Variants in DEFA4 observed in about 807,000 individuals in gnomAD.
DEFA4 encodes the protein defensin alpha 4, also known as corticostatin.
DEFA4 carries 8 observed loss-of-function variants against 4.4 expected under a neutral mutation model. The ratio of observed to expected loss-of-function variants is 1.82; its 90% confidence interval spans 1.07 to 3.29. DEFA4 has a LOEUF of 3.29. DEFA4 is among the 30% of genes most tolerant of loss of function. The probability of loss-of-function intolerance (pLI) is 0.00; values close to 1 mark genes in which losing one functional copy is unlikely to be tolerated. For missense variants in DEFA4, 216 were observed against 127.0 expected (o/e 1.70, Z -3.37); for synonymous variants, 77 against 46.5 (o/e 1.66, Z -2.67).
Position 6,936,261 on chromosome 8 carries a change from G to T in DEFA4, c.173-120C>A, listed in dbSNP as rs1254401476. On this transcript the variant is annotated intron_variant, in intron 2 of 2. Transcript: ENST00000297435. Reference sequence around the variant, plus strand: ...GATGCTGGCTGCATTAGTGCCGGTAGCACAAACAACCTTAGTCAATAGGAA... The same window carrying T: ...GATGCTGGCTGCATTAGTGCCGGTATCACAAACAACCTTAGTCAATAGGAA... 3.1e-6 allele frequency: 4 copies of T among 1,291,158 alleles called. No homozygotes were observed. In the Admixed American group the frequency reaches 7.9e-5, roughly 25 times the overall value. 80.0% of individuals were successfully genotyped at this position (1,291,158 alleles called of 1,614,324 possible). A position where few individuals can be genotyped will look rare whatever the true frequency, so the allele number is the denominator to read the frequency against.
Position 6,935,993 on chromosome 8 carries a change from C to A in DEFA4, c.*27G>T. ...ACACCACCGATGATGGCGTTCCCAGCATGACATTCTCTTGGACAGCAGAAC... is the reference window on the plus strand; with the variant it reads ...ACACCACCGATGATGGCGTTCCCAGAATGACATTCTCTTGGACAGCAGAAC... On this transcript the variant is annotated 3_prime_UTR_variant, in exon 3 of 3. Coordinates refer to ENST00000297435, the MANE Select transcript of DEFA4 (RefSeq NM_001925.3). The A allele has an allele frequency of 6.2e-7, 1 of 1,612,792 alleles. No homozygotes were observed.
chr8:6,936,902 C>A lies in DEFA4; in HGVS notation c.-3G>T. 6.3e-7 allele frequency: 1 copy of A among 1,588,824 alleles called. No homozygotes were observed. Among genetic ancestry groups the A allele is most frequent in the Non-Finnish European group, 8.6e-7 (1 of 1,165,410 alleles). ...GCGAGGAGGGCGATAATCCTCATGG[C>A]TGGGGTGACCTGGAGGAGGGAGAGC... is the stretch of plus-strand genomic sequence containing the variant. On this transcript the variant is annotated 5_prime_UTR_variant, in exon 2 of 3. Transcript: ENST00000297435.
chr8:6,937,012 TTCTGAGTGAGAGGAGG>T, intron 1 of DEFA4, 101 bp from the exon 2 acceptor site: 1 of 1,086,838 alleles, frequency 9.2e-7, no homozygotes, highest in South Asian at 2.1e-5. Context: ...ACCTTTGGCC[TTCTGAGTGAGAGGAGG>T]TGTGCATTTT....
chr8:6,936,058 C>G lies in DEFA4; in HGVS notation c.256G>C (p.Gly86Arg). Residue 86 changes from glycine (G) to arginine (R), a missense_variant, in exon 3 of 3, where the codon GGT becomes CGT. By Grantham distance (125) the Gly-to-Arg change is moderately radical (BLOSUM62 -2). Transcript: ENST00000297435. ...GTGCAGCAGTATGTGAAACTCACAC[C>G]ACCAATGAGGCAGTTCCCAACACGA... The part of the protein sequence containing the change: ...ELRVGNCLIG[G>R]VSFTYCCTRV... The G allele has an allele frequency of 6.2e-7, 1 of 1,614,008 alleles. No individual in the cohort carries two copies. Among genetic ancestry groups the G allele is most frequent in the South Asian group, 1.1e-5 (1 of 90,992 alleles).
At chr8:6,937,288 T>A (rs907945012) in intron 1 of DEFA4, among the ~76,000 whole-genome samples, 2 of 152,154 alleles carry the variant, frequency 1.3e-5, no homozygotes, top group Non-Finnish European at 2.9e-5. Flanking sequence ...ATGCCTCTTA[T>A]TTCCTGATAA....
At position 6,936,887 on chromosome 8, in the gene DEFA4, C is replaced by T. The variant is rs548638509; in HGVS notation, c.13G>A (p.Ala5Thr). 1.3e-4 allele frequency: 208 copies of T among 1,604,524 alleles called. 2 individuals are homozygous for T. Among genetic ancestry groups the T allele is most frequent in the South Asian group, 9.1e-4 (81 of 89,402 alleles). The change falls in exon 2 of 3, where the codon GCC becomes ACC. Residue 5 changes from alanine to threonine, a missense_variant. Transcript: ENST00000297435. ...ACCAAGAGAATAGCAGCGAGGAGGG[C>T]GATAATCCTCATGGCTGGGGTGACC... Reference protein sequence around the residue: MRIIALLAAILLVAL... With the variant: MRIITLLAAILLVAL...
chr8:6,935,943 T>C lies in DEFA4; in HGVS notation c.*77A>G, dbSNP rs1808826137. On this transcript the variant is annotated 3_prime_UTR_variant, in exon 3 of 3. Coordinates refer to ENST00000297435, the MANE Select transcript of DEFA4 (RefSeq NM_001925.3). ...GCTCATTTTTCTCTATTCTGCAAGC[T>C]CAGCTGCAGAAGCATGTGAAGCTAA... The C allele has an allele frequency of 1.3e-6, 2 of 1,598,116 alleles. No homozygotes were observed. The highest frequency in any genetic ancestry group is 1.7e-6 in the Non-Finnish European group (2 of 1,166,826).
chr8:6,935,901 C>T lies in DEFA4; in HGVS notation c.*119G>A. On this transcript the variant is annotated 3_prime_UTR_variant, in exon 3 of 3. Transcript: ENST00000297435. ...GGAGAAACAACCATTTCCTGTAGCT[C>T]TCAAAGCAAATTATGAGCTCATTTT... 6.8e-7 allele frequency: 1 copy of T among 1,462,938 alleles called. No homozygotes were observed. The highest frequency in any genetic ancestry group is 9.5e-7 in the Non-Finnish European group (1 of 1,053,028). 90.6% of individuals were successfully genotyped at this position (1,462,938 alleles called of 1,614,324 possible). A position where few individuals can be genotyped will look rare whatever the true frequency, so the allele number is the denominator to read the frequency against.
In DEFA4 at chr8:6,936,711, A is replaced by T; in HGVS notation, c.172+17T>A. The T allele has an allele frequency of 3.2e-6, 5 of 1,574,038 alleles. No individual in the cohort carries two copies. The highest frequency in any genetic ancestry group is 4.3e-6 in the Non-Finnish European group (5 of 1,155,550). ...TCTCTCTAGACTCGGTAGCTTTTTTATGCTGGCCTCTCTCACCTGAAACCT... is the reference window on the plus strand; with the variant it reads ...TCTCTCTAGACTCGGTAGCTTTTTTTTGCTGGCCTCTCTCACCTGAAACCT... On this transcript the variant is annotated intron_variant, in intron 2 of 2. Coordinates refer to ENST00000297435, the MANE Select transcript of DEFA4 (RefSeq NM_001925.3).
At chr8:6,937,514 T>C (rs1227245790) in intron 1 of DEFA4, among the ~76,000 whole-genome samples, 1 of 151,834 alleles carries the variant, frequency 6.6e-6, no homozygotes, top group Non-Finnish European at 1.5e-5. Context: ...AGATAAAGAG[T>C]TGTGTAAGGT....
At chr8:6,937,842 C>T (rs1161189097) in intron 1 of DEFA4, among the ~76,000 whole-genome samples, 1 of 152,086 alleles carries the variant, frequency 6.6e-6, no homozygotes, top group Non-Finnish European at 1.5e-5. Context: ...TTTGCAAAGC[C>T]TACGTGGTAG....
chr8:6,936,415 T>C (rs1296596010), intron 2 of DEFA4, among the ~76,000 whole-genome samples: 5 of 152,198 alleles, frequency 3.3e-5, no homozygotes, highest in Admixed American at 2.6e-4. Flanking sequence ...TTTTTAAAAT[T>C]TCCTTTGTTG....
rs1808823498 is a variant in DEFA4, at chr8:6,935,871, G to C, written c.*149C>G. The C allele has an allele frequency of 9.6e-7, 1 of 1,040,196 alleles. No homozygotes were observed. Among genetic ancestry groups the C allele is most frequent in the South Asian group, 1.5e-5 (1 of 68,828 alleles). 64.4% of individuals were successfully genotyped at this position (1,040,196 alleles called of 1,614,324 possible). On this transcript the variant is annotated 3_prime_UTR_variant, in exon 3 of 3. Transcript: ENST00000297435. ...GATCAAGAAAGATGTTAAGGACAAA[G>C]TATAGGAGAAACAACCATTTCCTGT...
rs763877617 is a variant in DEFA4 at position 6,936,892 on chromosome 8, A to C, written c.8T>G (p.Ile3Ser). The C allele has an allele frequency of 4.4e-6, 7 of 1,604,048 alleles. No homozygotes were observed. In the African/African-American group the frequency reaches 9.4e-5, roughly 21 times the overall value. Residue 3 changes from isoleucine to serine, a missense_variant, in exon 2 of 3, where the codon ATT becomes AGT. Physicochemically the swap from Ile to Ser is moderately radical, Grantham distance 142. Transcript: ENST00000297435. MRIIALLAAILLV... is the reference protein window; with the variant it reads MRSIALLAAILLV... ...GAGAATAGCAGCGAGGAGGGCGATA[A>C]TCCTCATGGCTGGGGTGACCTGGAG...
In DEFA4 at chr8:6,936,684, C is replaced by T. The variant is rs369131069; in HGVS notation, c.172+44G>A. 24 of 1,501,800 alleles carry T rather than the reference C, an allele frequency of 1.6e-5. No individual in the cohort carries two copies. The African/African-American group carries it at 1.8e-4, about 11-fold the overall frequency. The allele number at this position is 1,501,800 out of a possible 1,614,324, so 93.0% of individuals were successfully genotyped here. A position where few individuals can be genotyped will look rare whatever the true frequency, so the allele number is the denominator to read the frequency against. ...GTGATTCCAGAGCCCATCTCCCATC[C>T]GTCTCTCTAGACTCGGTAGCTTTTT... On this transcript the variant is annotated intron_variant, in intron 2 of 2. Coordinates refer to ENST00000297435, the MANE Select transcript of DEFA4 (RefSeq NM_001925.3).
At chr8:6,937,330 C>T (rs1808898799) in intron 1 of DEFA4, among the ~76,000 whole-genome samples, 1 of 152,154 alleles carries the variant, frequency 6.6e-6, no homozygotes, top group Non-Finnish European at 1.5e-5. Flanking sequence ...GGTCTAAACA[C>T]TGGTGCCAGA....
In DEFA4 at chr8:6,936,916, A is replaced by G; in HGVS notation, c.-12-5T>C. The G allele has an allele frequency of 1.3e-6, 2 of 1,570,266 alleles. No homozygotes were observed. Among genetic ancestry groups the G allele is most frequent in the Non-Finnish European group, 1.7e-6 (2 of 1,154,806 alleles). On this transcript the variant is annotated splice_polypyrimidine_tract_variant and splice_region_variant and intron_variant, in intron 1 of 2. Coordinates refer to ENST00000297435, the MANE Select transcript of DEFA4 (RefSeq NM_001925.3). The stretch of plus-strand genomic sequence containing the variant: ...AATCCTCATGGCTGGGGTGACCTGG[A>G]GGAGGGAGAGCAGGAGCAGCTGTGT...
In DEFA4 at chr8:6,936,019, G is replaced by A. The variant is rs367726165; in HGVS notation, c.*1C>T. On this transcript the variant is annotated 3_prime_UTR_variant, in exon 3 of 3. Transcript: ENST00000297435. ...ATGACATTCTCTTGGACAGCAGAACGTTAATCGACACGCGTGCAGCAGTAT... is the reference window on the plus strand; with the variant it reads ...ATGACATTCTCTTGGACAGCAGAACATTAATCGACACGCGTGCAGCAGTAT... 2.5e-5 allele frequency: 40 copies of A among 1,613,692 alleles called. No individual in the cohort carries two copies. Among genetic ancestry groups the A allele is most frequent in the Middle Eastern group, 3.3e-4 (2 of 6,082 alleles).
In DEFA4 at chr8:6,936,745, G is replaced by C. The variant is rs1417078893; in HGVS notation, c.155C>G (p.Ser52Cys). 2 of 1,603,826 alleles carry C rather than the reference G, an allele frequency of 1.2e-6. No homozygotes were observed. Among genetic ancestry groups the C allele is most frequent in the East Asian group, 2.2e-5 (1 of 44,490 alleles). ...TCTCTCACCTGAAACCTGAAGAGCA[G>C]AGCTTTTATCCCATGCAAAGGAAAT... is the stretch of plus-strand genomic sequence containing the variant. ...ISISFAWDKS[S>C]ALQVSGSTRG... Residue 52 changes from serine to cysteine, a missense_variant, in exon 2 of 3, where the codon TCT (serine) becomes TGT (cysteine). Coordinates refer to ENST00000297435, the MANE Select transcript of DEFA4 (RefSeq NM_001925.3).
Sources: allele counts gnomAD v4.1 joint callset (sites outside exome capture counted in the v4.1 genomes callset), GRCh38; gene constraint gnomAD v4.1.1; transcripts MANE v1.5; gene names NCBI Gene and HGNC (gene_info 2026-07-23, HGNC 2026-07-21).